The following UBE2V2 variants were observed in gnomAD, a reference collection of about 807,000 sequenced individuals.
The protein encoded by UBE2V2 is ubiquitin conjugating enzyme E2 V2.
UBE2V2 carries 9 observed loss-of-function variants against 17.2 expected under a neutral mutation model. The ratio of observed to expected loss-of-function variants is 0.52; its 90% CI spans 0.32 to 0.91. UBE2V2 has a LOEUF of 0.91. Among genes scored for constraint, UBE2V2 ranks in the 40% least tolerant of loss-of-function variants. The probability of loss-of-function intolerance (pLI) is 0.04; values close to 1 mark genes in which losing one functional copy is unlikely to be tolerated. For synonymous variants in UBE2V2, 61 were observed against 57.5 expected (o/e 1.06, Z -0.28); for missense variants, 133 against 182.6 (o/e 0.73, Z 1.56).
the UBE2V2 span, among the ~76,000 whole-genome samples, chr8:48,001,106 A>G: frequency 1.3e-5 from 2 of 152,052 alleles, no homozygotes; most frequent in Non-Finnish European, 2.9e-5. Flanking sequence ...GAGCTCTCAC[A>G]CTCTGGACAC....
upstream of UBE2V2, among the ~76,000 whole-genome samples, chr8:48,005,478 T>C (rs1452773767): frequency 2.0e-5 from 3 of 152,242 alleles, no homozygotes; most frequent in African/African-American, 7.2e-5. Context: ...ACAATAAATA[T>C]ACATGTGCAT....
rs1450062001 is a variant in UBE2V2 at position 48,014,427 on chromosome 8, G to A, written c.16+5957G>A. On this transcript the variant is annotated intron_variant, in intron 1 of 3. Transcript: ENST00000523111. ...TGGGAGGCTGAGGGGGGCGGATCAC[G>A]AGGTCAGGAGATGGGAGACCATCCT... Among the ~76,000 whole-genome samples, 4 of 151,600 alleles carry A rather than the reference G, an allele frequency of 2.6e-5. No individual in the cohort carries two copies. In the East Asian group the frequency reaches 7.8e-4, roughly 29 times the overall value.
In UBE2V2 at chr8:48,029,525, C is replaced by T. The variant is rs980852189; in HGVS notation, c.17-13508C>T. 3.3e-5 allele frequency among the ~76,000 whole-genome samples: 5 copies of T among 152,094 alleles called. No homozygotes were observed. The South Asian group carries it at 6.2e-4, about 19-fold the overall frequency. Reference sequence around the variant, plus strand: ...AGGTTTAATCTCACTAAAAAAAGTTCGATAGCCAGATACCATGCATACTGT... The same window carrying T: ...AGGTTTAATCTCACTAAAAAAAGTTTGATAGCCAGATACCATGCATACTGT... On this transcript the variant is annotated intron_variant, in intron 1 of 3. Coordinates refer to ENST00000523111, the MANE Select transcript of UBE2V2 (RefSeq NM_003350.3).
Position 48,016,852 on chromosome 8 carries a change from T to C in UBE2V2, c.16+8382T>C, listed in dbSNP as rs1303958706. On this transcript the variant is annotated intron_variant, in intron 1 of 3. Coordinates refer to ENST00000523111, the MANE Select transcript of UBE2V2 (RefSeq NM_003350.3). ...CCTAGGCTGGAGTGCAGTGGCGAGA[T>C]GTCAGTTGACTGCAACCTCCACCTC... 4.1e-5 allele frequency among the ~76,000 whole-genome samples: 6 copies of C among 146,292 alleles called. No individual in the cohort carries two copies. In the Admixed American group the frequency reaches 4.2e-4, roughly 10 times the overall value.
chr8:48,020,973 C>T (rs1164818972), intron 1 of UBE2V2, among the ~76,000 whole-genome samples: 1 of 151,166 alleles, frequency 6.6e-6, no homozygotes, highest in Non-Finnish European at 1.5e-5. Flanking sequence ...CTTTGAACTC[C>T]TGGCCTCAAG....
intron 1 of UBE2V2, among the ~76,000 whole-genome samples, chr8:48,035,304 A>T (rs2091414819): frequency 2.0e-5 from 3 of 151,542 alleles, no homozygotes; most frequent in Admixed American, 2.0e-4. Context: ...TATTTTTAGT[A>T]GAGACGGGGT....
At chr8:48,037,932 C>T (rs1353287599) in intron 1 of UBE2V2, among the ~76,000 whole-genome samples, 1 of 152,192 alleles carries the variant, frequency 6.6e-6, no homozygotes, top group Non-Finnish European at 1.5e-5. Flanking sequence ...AAACCCCTCC[C>T]TGAATCCTCA....
At chr8:48,037,011 T>C (rs1374743942) in intron 1 of UBE2V2, among the ~76,000 whole-genome samples, 7 of 152,082 alleles carry the variant, frequency 4.6e-5, no homozygotes, top group African/African-American at 1.4e-4. Flanking sequence ...AAACCCCGTC[T>C]CTACTAAAAA....
intron 1 of UBE2V2, among the ~76,000 whole-genome samples, chr8:48,030,064 A>G: frequency 6.6e-6 from 1 of 152,212 alleles, no homozygotes; most frequent in Non-Finnish European, 1.5e-5. Context: ...TGCAATAAAC[A>G]TTCTTAGCTA....
chr8:48,052,409 G>C (rs1414605022), intron 3 of UBE2V2, among the ~76,000 whole-genome samples: 1 of 152,158 alleles, frequency 6.6e-6, no homozygotes, highest in African/African-American at 2.4e-5. Context: ...TTAAATTTCA[G>C]ACCTACCTCT....
chr8:48,059,330 TG>T (rs1802547115), intron 3 of UBE2V2, among the ~76,000 whole-genome samples: 1 of 152,048 alleles, frequency 6.6e-6, no homozygotes, highest in African/African-American at 2.4e-5. Flanking sequence ...CCTACACATG[TG>T]TGTGGTCTTC....
At chr8:48,018,534 A>G (rs991968638) in intron 1 of UBE2V2, among the ~76,000 whole-genome samples, 3 of 152,174 alleles carry the variant, frequency 2.0e-5, no homozygotes, top group Admixed American at 6.6e-5. Flanking sequence ...TATGATTTCC[A>G]TCTTCTTAAA....
chr8:48,044,593 C>T (rs779495911), intron 2 of UBE2V2, among the ~76,000 whole-genome samples: 2 of 152,146 alleles, frequency 1.3e-5, no homozygotes, highest in Non-Finnish European at 2.9e-5. Context: ...TCCCTGTTTA[C>T]TCCCTTGCTC....
intron 1 of UBE2V2, among the ~76,000 whole-genome samples, chr8:48,029,098 T>C (rs759397460): frequency 9.2e-5 from 14 of 152,056 alleles, no homozygotes; most frequent in Non-Finnish European, 1.6e-4. Context: ...GAGGCCAAGG[T>C]AGGCAGATCA....
intron 3 of UBE2V2, 51 bp from the exon 4 acceptor site, chr8:48,060,631 C>T (rs761739411): frequency 2.2e-6 from 3 of 1,355,106 alleles, no homozygotes; most frequent in South Asian, 2.4e-5. Context: ...CAAATTGGTG[C>T]CATAGTACTT....
At chr8:48,034,869 C>A in intron 1 of UBE2V2, 1 of 182,020 alleles carries the variant, frequency 5.5e-6, no homozygotes, top group Non-Finnish European at 1.0e-5. Context: ...CACTTAGAGT[C>A]ACTCATGTGG....
chr8:48,044,605 A>G (rs141215174), intron 2 of UBE2V2, among the ~76,000 whole-genome samples: 22 of 152,114 alleles, frequency 1.4e-4, no homozygotes, highest in African/African-American at 5.3e-4. Flanking sequence ...CCCTTGCTCT[A>G]TTTTTTCCTG....
upstream of UBE2V2, among the ~76,000 whole-genome samples, chr8:48,007,213 CCT>C (rs1229649793): frequency 2.0e-5 from 3 of 152,078 alleles, no homozygotes; most frequent in South Asian, 2.1e-4. Context: ...ACAAAGATGC[CCT>C]CTCTCACCAC....
At chr8:48,053,217 C>A (rs1200797442) in intron 3 of UBE2V2, among the ~76,000 whole-genome samples, 1 of 151,870 alleles carries the variant, frequency 6.6e-6, no homozygotes, top group South Asian at 2.1e-4. Context: ...ATTGATGTTC[C>A]AACTTGAATT....
Sources: allele counts gnomAD v4.1 joint callset (sites outside exome capture counted in the v4.1 genomes callset), GRCh38; gene constraint gnomAD v4.1.1; transcripts MANE v1.5; gene names NCBI Gene and HGNC (gene_info 2026-07-23, HGNC 2026-07-21).